The following HNRNPC variants were observed in gnomAD, a reference collection of about 807,000 sequenced individuals.
The protein encoded by HNRNPC is heterogeneous nuclear ribonucleoprotein C, also known as heterogeneous nuclear ribonucleoproteins C1/C2.
A neutral mutation model predicts 33.2 loss-of-function variants in HNRNPC; 3 were observed. The ratio of observed to expected loss-of-function variants is 0.09; its 90% CI spans 0.04 to 0.23. The LOEUF is 0.23. HNRNPC is among the 10% of genes least tolerant of loss of function. The probability of loss-of-function intolerance (pLI) is 1.00; values close to 1 mark genes in which losing one functional copy is unlikely to be tolerated. For missense variants in HNRNPC, 143 were observed against 366.7 expected (o/e 0.39, Z 4.98); for synonymous variants, 121 against 126.7 (o/e 0.96, Z 0.30).
intron 5 of HNRNPC, among the ~76,000 whole-genome samples, chr14:21,214,958 C>A (rs1892000988): frequency 6.6e-6 from 1 of 152,298 alleles, no homozygotes; most frequent in South Asian, 2.1e-4. Flanking sequence ...AGCCACAAAC[C>A]TTCACCGGCA....
At chr14:21,254,055 C>T (rs889072990) in intron 2 of HNRNPC, among the ~76,000 whole-genome samples, 3 of 141,248 alleles carry the variant, frequency 2.1e-5, no homozygotes, top group South Asian at 4.5e-4. Flanking sequence ...AGTGAGATTC[C>T]GTCTCAAAAA....
At chr14:21,245,391 G>A (rs550163334) in intron 2 of HNRNPC, among the ~76,000 whole-genome samples, 22 of 152,190 alleles carry the variant, frequency 1.4e-4, no homozygotes, top group African/African-American at 4.8e-4. Context: ...AGCTACTCGC[G>A]AGGCGGAGGC....
chr14:21,254,120 T>C (rs1182648088), intron 2 of HNRNPC, among the ~76,000 whole-genome samples: 1 of 150,460 alleles, frequency 6.6e-6, no homozygotes, highest in Non-Finnish European at 1.5e-5. Context: ...AAGATGTGCA[T>C]ACCCTTGAAT....
intron 2 of HNRNPC, among the ~76,000 whole-genome samples, chr14:21,242,976 T>C (rs1386130414): frequency 6.6e-6 from 1 of 152,074 alleles, no homozygotes; most frequent in Non-Finnish European, 1.5e-5. Flanking sequence ...AATACAAAGA[T>C]AAGCTGGGTG....
At chr14:21,217,207 G>C (rs1892286088) in intron 5 of HNRNPC, among the ~76,000 whole-genome samples, 1 of 152,178 alleles carries the variant, frequency 6.6e-6, no homozygotes, top group Non-Finnish European at 1.5e-5. Context: ...AACATAGTTG[G>C]AATTCTTGAT....
In HNRNPC at chr14:21,210,155, T is replaced by G. The variant is rs997149114; in HGVS notation, c.*1068A>C. 2 of 152,178 alleles carry G rather than the reference T, an allele frequency of 1.3e-5. No individual in the cohort carries two copies. The highest frequency in any genetic ancestry group is 2.9e-5 in the Non-Finnish European group (2 of 68,042). The allele number at this position is 152,178 out of a possible 1,614,324, so 9.4% of individuals were successfully genotyped here. A position where few individuals can be genotyped will look rare whatever the true frequency, so the allele number is the denominator to read the frequency against. Reference sequence around the variant, plus strand: ...AAGAACAAAATAGAAGCAGGGGGGTTCCATTATGCAGCTGTCGCCATTTTC... The same window carrying G: ...AAGAACAAAATAGAAGCAGGGGGGTGCCATTATGCAGCTGTCGCCATTTTC... On this transcript the variant is annotated 3_prime_UTR_variant, in exon 9 of 9. Transcript: ENST00000553300.
At chr14:21,233,585 C>T (rs375302908) in intron 3 of HNRNPC, among the ~76,000 whole-genome samples, 1 of 152,120 alleles carries the variant, frequency 6.6e-6, no homozygotes, top group East Asian at 1.9e-4. Flanking sequence ...AAACTGCAGT[C>T]GGCCCAACGG....
chr14:21,225,254 C>G (rs945648781), intron 5 of HNRNPC, among the ~76,000 whole-genome samples: 2 of 151,018 alleles, frequency 1.3e-5, no homozygotes, highest in African/African-American at 4.9e-5. Flanking sequence ...AACCCCGTCT[C>G]TACTAACAAT....
At chr14:21,266,953 CG>C (rs1879089059) in intron 1 of HNRNPC, among the ~76,000 whole-genome samples, 1 of 151,582 alleles carries the variant, frequency 6.6e-6, no homozygotes, top group Non-Finnish European at 1.5e-5. Flanking sequence ...TAGCCCGGTG[CG>C]GTGGCACACG....
At chr14:21,225,023 C>G (rs1297273298) in intron 5 of HNRNPC, among the ~76,000 whole-genome samples, 1 of 152,076 alleles carries the variant, frequency 6.6e-6, no homozygotes, top group Non-Finnish European at 1.5e-5. Context: ...TCTTTTTGAA[C>G]CAGGTTTCTT....
intron 2 of HNRNPC, among the ~76,000 whole-genome samples, chr14:21,246,578 A>AAAAAGTCGTCTTATAACAAAT: frequency 6.6e-6 from 1 of 152,128 alleles, no homozygotes; most frequent in East Asian, 1.9e-4. Flanking sequence ...AAAAAAAAAA[A>AAAAAGTCGTCTTATAACAAAT]AAAAGTCGTC....
intron 2 of HNRNPC, among the ~76,000 whole-genome samples, chr14:21,242,895 T>C (rs1285589253): frequency 6.6e-6 from 1 of 152,058 alleles, no homozygotes. Flanking sequence ...AAATAAAAAC[T>C]AGGGGCCTTT....
At chr14:21,235,999 A>G (rs945369920) in intron 2 of HNRNPC, among the ~76,000 whole-genome samples, 5 of 152,210 alleles carry the variant, frequency 3.3e-5, no homozygotes, top group African/African-American at 1.2e-4. Context: ...ACCCTTTGGA[A>G]TAAGACAGAA....
Position 21,234,035 on chromosome 14 carries a change from G to A in HNRNPC, c.159C>T (p.Ala53=). ...TTCTCTCATTAACATACTGAACGAA[G>A]GCAAAGCCCTTATGAACAGAGCAGC... ...IVGCSVHKGF[A]FVQYVNERNA... The change falls in exon 3 of 9, where the codon GCC becomes GCT. Residue 53 remains alanine, a synonymous_variant. Transcript: ENST00000553300. 6.2e-7 allele frequency: 1 copy of A among 1,613,674 alleles called. No individual in the cohort carries two copies.
At chr14:21,213,271 G>T in intron 5 of HNRNPC, 154 bp from the exon 6 acceptor site, 1 of 695,224 alleles carries the variant, frequency 1.4e-6, no homozygotes, top group Non-Finnish European at 2.3e-6. Context: ...TCCACAGTGG[G>T]GTTTAGAAAT....
chr14:21,232,332 G>A (rs1894206608), intron 3 of HNRNPC, among the ~76,000 whole-genome samples: 1 of 151,946 alleles, frequency 6.6e-6, no homozygotes. Flanking sequence ...ATATACAAAT[G>A]CCCCAAAATA....
intron 2 of HNRNPC, among the ~76,000 whole-genome samples, chr14:21,248,810 C>A (rs1896288884): frequency 2.0e-5 from 3 of 152,172 alleles, no homozygotes. Context: ...ATCATTACAT[C>A]AAAAGTTTTA....
chr14:21,263,550 G>A (rs1004984594), intron 1 of HNRNPC: 1 of 151,934 alleles, frequency 6.6e-6, no homozygotes, highest in South Asian at 2.1e-4. Flanking sequence ...GTTTATGAGA[G>A]GCTAAAAGGC....
In HNRNPC at chr14:21,233,400, T is replaced by G. The variant is rs138339018; in HGVS notation, c.241+553A>C. ...TTTGTAAAAACAAAGGTATGATAATTTTGAAACTGAGGCACAAGGTACACA... is the reference window on the plus strand; with the variant it reads ...TTTGTAAAAACAAAGGTATGATAATGTTGAAACTGAGGCACAAGGTACACA... On this transcript the variant is annotated intron_variant, in intron 3 of 8. Coordinates refer to ENST00000553300, the MANE Select transcript of HNRNPC (RefSeq NM_004500.4). 1.5e-3 allele frequency among the ~76,000 whole-genome samples: 232 copies of G among 152,274 alleles called. 1 individual carries two copies. Among genetic ancestry groups the G allele is most frequent in the African/African-American group, 5.4e-3 (225 of 41,552 alleles).
Sources: allele counts gnomAD v4.1 joint callset (sites outside exome capture counted in the v4.1 genomes callset), GRCh38; gene constraint gnomAD v4.1.1; transcripts MANE v1.5; gene names NCBI Gene and HGNC (gene_info 2026-07-23, HGNC 2026-07-21).